Variants in MYOF observed in about 807,000 individuals in gnomAD.
The protein encoded by MYOF is fer-1-like 3, myoferlin.
A neutral mutation model predicts 284.2 loss-of-function variants in MYOF; 244 were observed. That is an observed-to-expected ratio of 0.86 (90% CI 0.77 to 0.95). The LOEUF (loss-of-function observed/expected upper bound fraction) is 0.95, where lower values mean the gene tolerates loss of function less well. Ranked by LOEUF, MYOF falls within the 40% of genes least tolerant of loss-of-function variation. The probability of loss-of-function intolerance (pLI) is 0.00; values close to 1 mark genes in which losing one functional copy is unlikely to be tolerated. For synonymous variants in MYOF, 904 were observed against 919.7 expected (o/e 0.98, Z 0.31); for missense variants, 2,496 against 2,560.6 (o/e 0.97, Z 0.54).
intron 5 of MYOF, among the ~76,000 whole-genome samples, chr10:93,421,997 G>C (rs559948156): frequency 7.1e-6 from 1 of 141,098 alleles, no homozygotes; most frequent in African/African-American, 2.7e-5. Context: ...CCGACACACA[G>C]AATGCCACCT....
intron 3 of MYOF, among the ~76,000 whole-genome samples, chr10:93,436,012 T>G (rs1221740004): frequency 6.6e-6 from 1 of 151,724 alleles, no homozygotes; most frequent in Non-Finnish European, 1.5e-5. Context: ...TGTTAGACCA[T>G]CTAGAATGCT....
At position 93,306,467 on chromosome 10, in the gene MYOF, T is replaced by TTAAA. The variant is rs1475114294; in HGVS notation, c.*492_*495dup. ...TTTTTATTTAGTTTCATTACAGAGG[T>TTAAA]TAAATAGACTTTTATGACATCCATA... On this transcript the variant is annotated 3_prime_UTR_variant, in exon 54 of 54. Coordinates refer to ENST00000359263, the MANE Select transcript of MYOF (RefSeq NM_013451.4). 3 of 153,008 alleles carry TTAAA rather than the reference T, an allele frequency of 2.0e-5. No homozygotes were observed. The highest frequency in any genetic ancestry group is 4.4e-5 in the Non-Finnish European group (3 of 68,672). The allele number at this position is 153,008 out of a possible 1,614,324, so 9.5% of individuals were successfully genotyped here. A position where few individuals can be genotyped will look rare whatever the true frequency, so the allele number is the denominator to read the frequency against.
chr10:93,452,225 C>A, intron 2 of MYOF, 84 bp from the exon 3 acceptor site: 1 of 811,720 alleles, frequency 1.2e-6, no homozygotes, highest in Non-Finnish European at 2.1e-6. Flanking sequence ...ACCAGTACTA[C>A]ATGTTGGGTC....
Position 93,372,931 on chromosome 10 carries a change from T to C in MYOF, c.2456A>G (p.Lys819Arg). The C allele has an allele frequency of 6.2e-7, 1 of 1,614,204 alleles. No homozygotes were observed. The highest frequency in any genetic ancestry group is 8.5e-7 in the Non-Finnish European group (1 of 1,180,020). Residue 819 changes from lysine to arginine, a missense_variant and splice_region_variant, in exon 24 of 54, where the codon AAG (lysine) becomes AGG (arginine). Lys to Arg is a conservative substitution (Grantham distance 26). This residue lies in a region of MYOF where 2,436 missense variants were observed against 2,480.7 expected (regional missense o/e 0.98). Coordinates refer to ENST00000359263, the MANE Select transcript of MYOF (RefSeq NM_013451.4). ...YCGKTQTIFL[K>R]YPQEKNNGPK... ...ACATGACACAGTGAAGATATGTACC[T>C]TCAGAAAGATGGTTTGGGTTTTCCC...
chr10:93,438,044 T>C (rs764537440), intron 3 of MYOF, among the ~76,000 whole-genome samples: 3 of 152,072 alleles, frequency 2.0e-5, no homozygotes, highest in Non-Finnish European at 2.9e-5. Context: ...ACAACCCCCA[T>C]CCGTGAGATC....
intron 3 of MYOF, among the ~76,000 whole-genome samples, chr10:93,437,214 C>T (rs1849164760): frequency 6.6e-6 from 1 of 151,892 alleles, no homozygotes; most frequent in Non-Finnish European, 1.5e-5. Context: ...AATTGTAAAC[C>T]AGTCAACTTA....
intron 42 of MYOF, 85 bp from the exon 43 acceptor site, chr10:93,333,397 C>G: frequency 8.8e-7 from 1 of 1,136,306 alleles, no homozygotes; most frequent in Admixed American, 1.7e-5. Flanking sequence ...CTCGCCTCCA[C>G]ACCCACTCCC....
intron 1 of MYOF, among the ~76,000 whole-genome samples, chr10:93,474,243 A>G (rs1055909146): frequency 1.3e-5 from 2 of 152,078 alleles, no homozygotes; most frequent in Non-Finnish European, 2.9e-5. Flanking sequence ...AGTCTCCCTG[A>G]CTAGTACTAA....
At chr10:93,388,570 T>G (rs867610100) in intron 18 of MYOF, among the ~76,000 whole-genome samples, 2 of 152,332 alleles carry the variant, frequency 1.3e-5, no homozygotes, top group Middle Eastern at 6.8e-3. Context: ...TAGCTTGGTC[T>G]CTTTCTTGAG....
intron 1 of MYOF, among the ~76,000 whole-genome samples, chr10:93,465,538 C>CTTTTTTCTTTTTTT (rs1554873023): frequency 1.8e-5 from 2 of 112,164 alleles, no homozygotes; most frequent in African/African-American, 6.7e-5. Context: ...TTTTTCTTTT[C>CTTTTTTCTTTTTTT]TTTTTTTTTT....
At position 93,349,791 on chromosome 10, in the gene MYOF, G is replaced by A. The variant is rs1844414332; in HGVS notation, c.4083+17C>T. On this transcript the variant is annotated intron_variant, in intron 36 of 53. Coordinates refer to ENST00000359263, the MANE Select transcript of MYOF (RefSeq NM_013451.4). Reference sequence around the variant, plus strand: ...ATTTCAACGCGCATGGGTGATCACAGAGAATCGATACTGTACCACTTTCAT... The same window carrying A: ...ATTTCAACGCGCATGGGTGATCACAAAGAATCGATACTGTACCACTTTCAT... The A allele has an allele frequency of 5.0e-6, 8 of 1,613,164 alleles. No homozygotes were observed. The highest frequency in any genetic ancestry group is 6.8e-6 in the Non-Finnish European group (8 of 1,179,318).
At chr10:93,404,492 T>G (rs1055632836) in intron 7 of MYOF, among the ~76,000 whole-genome samples, 4 of 152,124 alleles carry the variant, frequency 2.6e-5, no homozygotes, top group Non-Finnish European at 5.9e-5. Flanking sequence ...TGGGGCTAGA[T>G]ATCTAAAAGC....
chr10:93,394,258 C>T (rs1366125624), intron 16 of MYOF, among the ~76,000 whole-genome samples: 5 of 151,782 alleles, frequency 3.3e-5, no homozygotes, highest in African/African-American at 1.2e-4. Context: ...CCTGCCACCA[C>T]ACCCGGCTAA....
chr10:93,443,101 C>A (rs1158418081), intron 3 of MYOF, among the ~76,000 whole-genome samples: 1 of 151,360 alleles, frequency 6.6e-6, no homozygotes, highest in African/African-American at 2.4e-5. Context: ...GCGGAGGTTG[C>A]AGTAAGCTGA....
At chr10:93,427,218 A>AAAAC (rs763567389) in intron 4 of MYOF, among the ~76,000 whole-genome samples, 1,645 of 92,564 alleles carry the variant, frequency 0.018, 29 homozygotes, top group Non-Finnish European at 0.025. Flanking sequence ...AAAACAAAAC[A>AAAAC]AAAAAAAACA....
chr10:93,404,266 G>T, intron 7 of MYOF, 47 bp from the exon 8 acceptor site: 1 of 1,591,702 alleles, frequency 6.3e-7, no homozygotes, highest in Non-Finnish European at 8.6e-7. Flanking sequence ...AGGGGATTCG[G>T]GTTAGGGGAA....
At chr10:93,387,711 G>T in intron 19 of MYOF, 86 bp downstream of exon 19, 1 of 1,057,680 alleles carries the variant, frequency 9.5e-7, no homozygotes, top group Non-Finnish European at 1.5e-6. Context: ...TGTGAGTTGG[G>T]TTGCCTTCCG....
chr10:93,407,902 C>T (rs1847690164), intron 7 of MYOF, among the ~76,000 whole-genome samples: 1 of 151,998 alleles, frequency 6.6e-6, no homozygotes, highest in African/African-American at 2.4e-5. Flanking sequence ...TCAGAGACAC[C>T]CTGCTAATTA....
chr10:93,440,146 G>A (rs2056198956), intron 3 of MYOF, among the ~76,000 whole-genome samples: 1 of 152,138 alleles, frequency 6.6e-6, no homozygotes, highest in Non-Finnish European at 1.5e-5. Context: ...GGGTGCAGTG[G>A]CTCATGCCTG....
Sources: gnomAD v4.1 joint callset for allele counts (sites outside exome capture counted in the v4.1 genomes callset) on GRCh38, gnomAD v4.1.1 for gene constraint, gnomAD v4.1.1 regional missense constraint, MANE v1.5 for transcripts, NCBI Gene and HGNC (gene_info 2026-07-23, HGNC 2026-07-21) for gene names.